The following MTF1 variants were observed in gnomAD, a reference collection of about 807,000 sequenced individuals.
MTF1 encodes metal regulatory transcription factor 1.
A neutral mutation model predicts 70.4 loss-of-function variants in MTF1; 22 were observed. The observed-to-expected ratio is 0.31, with a 90% CI of 0.22 to 0.45. The LOEUF (loss-of-function observed/expected upper bound fraction) is 0.45. MTF1 is among the 20% of genes least tolerant of loss of function. The pLI, the probability that MTF1 is intolerant of heterozygous loss-of-function variation, is 1.00. For synonymous variants in MTF1, 333 were observed against 352.8 expected (o/e 0.94, Z 0.63); for missense variants, 649 against 922.0 (o/e 0.70, Z 3.83).
In MTF1 at chr1:37,815,713, A is replaced by T. The variant is rs954649493; in HGVS notation, c.1832-147T>A. 2.1e-5 allele frequency: 12 copies of T among 585,084 alleles called. No homozygotes were observed. Among genetic ancestry groups the T allele is most frequent in the Admixed American group, 6.6e-5 (2 of 30,524 alleles). The allele number at this position is 585,084 out of a possible 1,614,324, so 36.2% of individuals were successfully genotyped here. On this transcript the variant is annotated intron_variant, in intron 10 of 10. Coordinates refer to ENST00000373036, the MANE Select transcript of MTF1 (RefSeq NM_005955.3). The surrounding 1 kb of genome is among the most constrained non-coding windows in gnomAD (Gnocchi z 4.5). ...ACACTTCGGGCTTCGTTCTGCTTTAAATTGGACCACATGCCCTCTGAGGTA... is the reference window on the plus strand; with the variant it reads ...ACACTTCGGGCTTCGTTCTGCTTTATATTGGACCACATGCCCTCTGAGGTA...
Position 37,815,035 on chromosome 1 carries a change from A to T in MTF1, c.*101T>A. On this transcript the variant is annotated 3_prime_UTR_variant, in exon 11 of 11. Coordinates refer to ENST00000373036, the MANE Select transcript of MTF1 (RefSeq NM_005955.3). This position sits in a 1 kb window ranked among gnomAD's most constrained non-coding sequence, Gnocchi z 4.5. ...CTGAAAGGTGAGGATTTCAAACAGT[A>T]GATTTCTTCATCCTTCAAATTTCTG... 1 of 923,056 alleles carries T rather than the reference A, an allele frequency of 1.1e-6. No homozygotes were observed. The highest frequency in any genetic ancestry group is 1.6e-6 in the Non-Finnish European group (1 of 607,688). The allele number at this position is 923,056 out of a possible 1,614,324, so 57.2% of individuals were successfully genotyped here. A position where few individuals can be genotyped will look rare whatever the true frequency, so the allele number is the denominator to read the frequency against.
At chr1:37,847,633 A>G (rs1484116585) in intron 2 of MTF1, among the ~76,000 whole-genome samples, 2 of 152,162 alleles carry the variant, frequency 1.3e-5, no homozygotes, top group Non-Finnish European at 2.9e-5. Flanking sequence ...AAGAGAGAGG[A>G]GTGGCAAGAG....
At chr1:37,825,188 A>G (rs917323403) in intron 7 of MTF1, among the ~76,000 whole-genome samples, 2 of 152,190 alleles carry the variant, frequency 1.3e-5, no homozygotes, top group Non-Finnish European at 2.9e-5. Context: ...GAATGCTGCC[A>G]TGGGAATATG....
In MTF1 at chr1:37,840,378, T is replaced by C. The variant is rs894772560; in HGVS notation, c.409-220A>G. ...GATTTATGGGGAAGAAATAAGTCTA[T>C]ATGTAGATGAATATTCTAAATGAAC... On this transcript the variant is annotated intron_variant, in intron 2 of 10. Transcript: ENST00000373036. The surrounding 1 kb of genome is among the most constrained non-coding windows in gnomAD (Gnocchi z 4.5). 1.2e-5 allele frequency: 7 copies of C among 598,972 alleles called. No individual in the cohort carries two copies. In the Admixed American group the frequency reaches 1.9e-4, roughly 16 times the overall value. 37.1% of individuals were successfully genotyped at this position (598,972 alleles called of 1,614,324 possible). A position where few individuals can be genotyped will look rare whatever the true frequency, so the allele number is the denominator to read the frequency against.
At chr1:37,848,068 C>T (rs1641360346) in intron 2 of MTF1, among the ~76,000 whole-genome samples, 1 of 152,154 alleles carries the variant, frequency 6.6e-6, no homozygotes. Flanking sequence ...TTTCTATGGG[C>T]TATCCTGGAA....
At chr1:37,823,184 T>G (rs1640945087) in intron 8 of MTF1, among the ~76,000 whole-genome samples, 1 of 152,046 alleles carries the variant, frequency 6.6e-6, no homozygotes, top group Non-Finnish European at 1.5e-5. Flanking sequence ...GCCTGTAGTC[T>G]TAGAACTTTG....
chr1:37,830,692 C>T (rs559892631), intron 7 of MTF1, among the ~76,000 whole-genome samples: 47 of 152,312 alleles, frequency 3.1e-4, no homozygotes, highest in Admixed American at 2.9e-3. Flanking sequence ...AGACTCTGGA[C>T]TCTGTTACAC....
Position 37,822,427 on chromosome 1 carries a change from C to T in MTF1, c.1461G>A (p.Pro487=), listed in dbSNP as rs746506923. Residue 487 remains proline, a synonymous_variant, in exon 9 of 11, where the codon CCG becomes CCA. Coordinates refer to ENST00000373036, the MANE Select transcript of MTF1 (RefSeq NM_005955.3). ...CAATGGGCTGCGGTGCCTGGGGGTG[C>T]GGAAGAAACTCTTGATGATTAGCAG... The part of the protein sequence containing the change: ...QFAANHQEFL[P]HPQAPQPIVP... 28 of 1,613,888 alleles carry T rather than the reference C, an allele frequency of 1.7e-5. No homozygotes were observed. The highest frequency in any genetic ancestry group is 5.0e-5 in the Admixed American group (3 of 59,968).
intron 7 of MTF1, among the ~76,000 whole-genome samples, chr1:37,827,812 C>T (rs1018017754): frequency 5.3e-5 from 8 of 152,102 alleles, no homozygotes; most frequent in South Asian, 2.1e-4. Flanking sequence ...AAAGTATTTG[C>T]GGTTTTTGCC....
rs548056733 is a variant in MTF1 at position 37,815,680 on chromosome 1, T to C, written c.1832-114A>G. ...AGTGCCATGGGAACCATGGGAAGGA[T>C]GGTTGCCACACTTCGGGCTTCGTTC... On this transcript the variant is annotated intron_variant, in intron 10 of 10. Transcript: ENST00000373036. The surrounding 1 kb of genome is among the most constrained non-coding windows in gnomAD (Gnocchi z 4.5). The C allele has an allele frequency of 5.9e-4, 466 of 790,052 alleles. 3 individuals are homozygous for C. Among genetic ancestry groups the C allele is most frequent in the African/African-American group, 3.6e-3 (210 of 58,516 alleles). 48.9% of individuals were successfully genotyped at this position (790,052 alleles called of 1,614,324 possible). A position where few individuals can be genotyped will look rare whatever the true frequency, so the allele number is the denominator to read the frequency against.
In MTF1 at chr1:37,840,412, G is replaced by A; in HGVS notation, c.409-254C>T. 1.8e-6 allele frequency: 1 copy of A among 549,792 alleles called. No individual in the cohort carries two copies. Among genetic ancestry groups the A allele is most frequent in the Non-Finnish European group, 3.4e-6 (1 of 298,080 alleles). 34.1% of individuals were successfully genotyped at this position (549,792 alleles called of 1,614,324 possible). A position where few individuals can be genotyped will look rare whatever the true frequency, so the allele number is the denominator to read the frequency against. Reference sequence around the variant, plus strand: ...GAATATTCTAAATGAACATAAGAATGTTTTCAGACTCTATATACATCTACC... The same window carrying A: ...GAATATTCTAAATGAACATAAGAATATTTTCAGACTCTATATACATCTACC... On this transcript the variant is annotated intron_variant, in intron 2 of 10. Coordinates refer to ENST00000373036, the MANE Select transcript of MTF1 (RefSeq NM_005955.3). This position sits in a 1 kb window ranked among gnomAD's most constrained non-coding sequence, Gnocchi z 4.5.
intron 7 of MTF1, among the ~76,000 whole-genome samples, chr1:37,829,710 A>C (rs574113351): frequency 6.6e-6 from 1 of 151,796 alleles, no homozygotes; most frequent in Non-Finnish European, 1.5e-5. Context: ...GCGTGAACCC[A>C]GGAGGTGGAG....
At chr1:37,841,948 T>C (rs543617821) in intron 2 of MTF1, among the ~76,000 whole-genome samples, 4 of 151,966 alleles carry the variant, frequency 2.6e-5, no homozygotes, top group African/African-American at 7.2e-5. Flanking sequence ...TGAGGTAAGA[T>C]TGCTTGAGCC....
intron 4 of MTF1, among the ~76,000 whole-genome samples, chr1:37,836,682 G>A (rs980036710): frequency 2.0e-5 from 3 of 152,270 alleles, no homozygotes; most frequent in Admixed American, 2.0e-4. Flanking sequence ...CAGGATCCAC[G>A]TAGCTCTTTC....
chr1:37,821,329 T>C (rs1640907086), intron 9 of MTF1, among the ~76,000 whole-genome samples: 1 of 152,028 alleles, frequency 6.6e-6, no homozygotes, highest in Admixed American at 6.6e-5. Context: ...TTTTAAAAAA[T>C]ATGTAGCACA....
Position 37,823,710 on chromosome 1 carries a change from C to G in MTF1, c.1171G>C (p.Ala391Pro). 1 of 1,610,234 alleles carries G rather than the reference C, an allele frequency of 6.2e-7. No individual in the cohort carries two copies. Among genetic ancestry groups the G allele is most frequent in the South Asian group, 1.1e-5 (1 of 90,974 alleles). The change falls in exon 8 of 11, where the codon GCT becomes CCT. Residue 391 changes from alanine to proline, a missense_variant and splice_region_variant. Ala to Pro is a conservative substitution (Grantham distance 27). Coordinates refer to ENST00000373036, the MANE Select transcript of MTF1 (RefSeq NM_005955.3). ...TAIQEDPQQT[A>P]SLTESFNGDA... ...AGTAGAAAGAGTCCGTGTGACAAAC[C>G]TGTCTGTTGAGGATCTTCCTGAATT...
chr1:37,842,353 C>A (rs1449974726), intron 2 of MTF1, among the ~76,000 whole-genome samples: 1 of 152,010 alleles, frequency 6.6e-6, no homozygotes, highest in African/African-American at 2.4e-5. Context: ...CAGTTGACAC[C>A]ATTTCCATCA....
chr1:37,839,838 A>C lies in MTF1; in HGVS notation c.647+82T>G, dbSNP rs571335209. 5.4e-6 allele frequency: 6 copies of C among 1,102,872 alleles called. No individual in the cohort carries two copies. The South Asian group carries it at 8.1e-5, about 15-fold the overall frequency. 68.3% of individuals were successfully genotyped at this position (1,102,872 alleles called of 1,614,324 possible). On this transcript the variant is annotated intron_variant, in intron 3 of 10. Transcript: ENST00000373036. ...TTTTAAAGCCCTGAAAGTGAAAACA[A>C]CTCCTCTGCAAGGGGAAAGAGCTCT...
Position 37,838,797 on chromosome 1 carries a change from C to CTTT in MTF1, c.648-44_648-42dup, listed in dbSNP as rs746478428. 4,106 of 472,472 alleles carry CTTT rather than the reference C, an allele frequency of 8.7e-3. 37 individuals are homozygous for CTTT. Among genetic ancestry groups the CTTT allele is most frequent in the South Asian group, 0.011 (339 of 31,060 alleles). 29.3% of individuals were successfully genotyped at this position (472,472 alleles called of 1,614,324 possible). A position where few individuals can be genotyped will look rare whatever the true frequency, so the allele number is the denominator to read the frequency against. On this transcript the variant is annotated intron_variant, in intron 3 of 10. Transcript: ENST00000373036. ...GAAAAATTCCCTTTGTCATAAAATT[C>CTTT]TTTTTTTTTTTTTTTTTTTTTTCTG...
Sources: gnomAD v4.1 joint callset for allele counts (sites outside exome capture counted in the v4.1 genomes callset) on GRCh38, gnomAD v4.1.1 for gene constraint, Gnocchi (gnomAD v3.1) non-coding constraint, MANE v1.5 for transcripts, NCBI Gene and HGNC (gene_info 2026-07-23, HGNC 2026-07-21) for gene names.